The following PDE10A variants were observed in gnomAD, a reference collection of about 807,000 sequenced individuals.
PDE10A encodes phosphodiesterase 10A.
PDE10A carries 39 observed loss-of-function variants against 97.7 expected under a neutral mutation model. That is an observed-to-expected ratio of 0.40 (90% CI 0.31 to 0.52). PDE10A has a LOEUF of 0.52. PDE10A is among the 20% of genes least tolerant of loss of function. The pLI, the probability that PDE10A is intolerant of heterozygous loss-of-function variation, is 0.56. For synonymous variants in PDE10A, 371 were observed against 376.8 expected (o/e 0.98, Z 0.18); for missense variants, 731 against 1,047.8 (o/e 0.70, Z 4.17).
chr6:165,405,966 T>C (rs1039302131), intron 13 of PDE10A, among the ~76,000 whole-genome samples: 1 of 152,168 alleles, frequency 6.6e-6, no homozygotes, highest in Non-Finnish European at 1.5e-5. Flanking sequence ...GTCCATTAAT[T>C]CTTAATCTGT....
intron 17 of PDE10A, among the ~76,000 whole-genome samples, chr6:165,384,965 A>C (rs1408529281): frequency 6.6e-6 from 1 of 152,186 alleles, no homozygotes; most frequent in Non-Finnish European, 1.5e-5. Flanking sequence ...CCATGCTCGT[A>C]ATCATCTGTG....
chr6:165,983,068 G>GAGACAC (rs1554235308), intron 1 of PDE10A, among the ~76,000 whole-genome samples: 1 of 151,002 alleles, frequency 6.6e-6, no homozygotes, highest in African/African-American at 2.4e-5. Flanking sequence ...ACAATTTTAC[G>GAGACAC]ACACACACAC....
intron 2 of PDE10A, among the ~76,000 whole-genome samples, chr6:165,532,565 C>G (rs1284164098): frequency 6.6e-6 from 1 of 152,010 alleles, no homozygotes; most frequent in African/African-American, 2.4e-5. Flanking sequence ...TAAGCTGTGC[C>G]TGGAGCTACT....
intron 13 of PDE10A, among the ~76,000 whole-genome samples, chr6:165,411,051 C>A (rs1188520655): frequency 9.5e-6 from 1 of 105,074 alleles, no homozygotes; most frequent in East Asian, 2.2e-4. Context: ...AGCGCCACTG[C>A]CCTCCAGCCT....
intron 2 of PDE10A, among the ~76,000 whole-genome samples, chr6:165,523,547 G>GT (rs1231202795): frequency 6.6e-6 from 1 of 152,132 alleles, no homozygotes. Flanking sequence ...AAATGAGGCT[G>GT]TATTAACTGG....
At chr6:165,775,183 C>T (rs1264289109) in intron 1 of PDE10A, 4 of 152,150 alleles carry the variant, frequency 2.6e-5, no homozygotes, top group Non-Finnish European at 4.4e-5. Flanking sequence ...GCTACATTAT[C>T]AAGAAAATAG....
rs911126886 is a variant in PDE10A, at chr6:165,675,675, T to G, written c.-614-132107A>C. 7.2e-5 allele frequency among the ~76,000 whole-genome samples: 11 copies of G among 152,178 alleles called. No homozygotes were observed. In the East Asian group the frequency reaches 2.1e-3, roughly 29 times the overall value. ...CTGAGGGATTTTGGGGTGACCTCAA[T>G]GCCAAGCCTCATGCCATACTGGAAA... On this transcript the variant is annotated intron_variant, in intron 1 of 19. Transcript: ENST00000366882.
intron 1 of PDE10A, among the ~76,000 whole-genome samples, chr6:165,720,508 T>C (rs982169374): frequency 1.3e-5 from 2 of 152,098 alleles, no homozygotes; most frequent in African/African-American, 4.8e-5. Flanking sequence ...ACCTAAAGAA[T>C]AAAAAATCAG....
intron 5 of PDE10A, among the ~76,000 whole-genome samples, chr6:165,440,094 T>C (rs543478330): frequency 6.6e-6 from 1 of 152,312 alleles, no homozygotes; most frequent in East Asian, 1.9e-4. Flanking sequence ...TAAGCTATTA[T>C]CCTTTTAGAC....
chr6:165,827,691 G>A (rs142014367), intron 1 of PDE10A, among the ~76,000 whole-genome samples: 24 of 152,280 alleles, frequency 1.6e-4, no homozygotes, highest in African/African-American at 5.3e-4. Flanking sequence ...TTTGGGAACA[G>A]GTGGTGTTTG....
chr6:165,905,543 A>G (rs1408706040), intron 1 of PDE10A, among the ~76,000 whole-genome samples: 1 of 152,200 alleles, frequency 6.6e-6, no homozygotes, highest in Non-Finnish European at 1.5e-5. Context: ...ACACATATGT[A>G]TATACATATA....
intron 18 of PDE10A, among the ~76,000 whole-genome samples, chr6:165,367,540 C>T (rs527769793): frequency 6.6e-6 from 1 of 151,842 alleles, no homozygotes; most frequent in Non-Finnish European, 1.5e-5. Flanking sequence ...CTGAAATCAG[C>T]AGCCCACAGA....
intron 1 of PDE10A, among the ~76,000 whole-genome samples, chr6:165,955,541 A>T (rs1784109933): frequency 6.6e-6 from 1 of 152,072 alleles, no homozygotes; most frequent in African/African-American, 2.4e-5. Context: ...TGCTGTTCCC[A>T]TTACCCGTAA....
At chr6:165,500,287 AAG>A (rs555659348) in intron 2 of PDE10A, among the ~76,000 whole-genome samples, 2 of 152,152 alleles carry the variant, frequency 1.3e-5, no homozygotes, top group Admixed American at 1.3e-4. Context: ...TTGTGCAGAA[AAG>A]AGAGAGAGAT....
intron 1 of PDE10A, among the ~76,000 whole-genome samples, chr6:165,889,545 T>A (rs2128481891): frequency 6.6e-6 from 1 of 152,282 alleles, no homozygotes; most frequent in Middle Eastern, 3.4e-3. Context: ...GGAGTTGCCG[T>A]CATTGAGGGG....
At chr6:165,406,426 A>T (rs1280406924) in intron 13 of PDE10A, among the ~76,000 whole-genome samples, 1 of 152,164 alleles carries the variant, frequency 6.6e-6, no homozygotes, top group Non-Finnish European at 1.5e-5. Context: ...TATAATTACA[A>T]ATTTAATTTA....
chr6:165,347,500 C>A (rs557767809), intron 18 of PDE10A, among the ~76,000 whole-genome samples: 1 of 152,070 alleles, frequency 6.6e-6, no homozygotes, highest in Non-Finnish European at 1.5e-5. Flanking sequence ...ACATTTTTCT[C>A]CATTACAGAG....
intron 1 of PDE10A, among the ~76,000 whole-genome samples, chr6:165,561,134 G>T (rs1415217974): frequency 6.6e-6 from 1 of 151,580 alleles, no homozygotes; most frequent in East Asian, 1.9e-4. Flanking sequence ...CAGAAGAATT[G>T]CTTGAACCCA....
At chr6:165,404,201 A>G (rs1408753086) in intron 13 of PDE10A, among the ~76,000 whole-genome samples, 1 of 152,194 alleles carries the variant, frequency 6.6e-6, no homozygotes, top group African/African-American at 2.4e-5. Context: ...TTATAAATCA[A>G]TAAAAAGGAA....
Sources: gnomAD v4.1 joint callset for allele counts (sites outside exome capture counted in the v4.1 genomes callset) on GRCh38, gnomAD v4.1.1 for gene constraint, MANE v1.5 for transcripts, NCBI Gene and HGNC (gene_info 2026-07-23, HGNC 2026-07-21) for gene names.